The following KIAA0825 variants were observed in gnomAD, a reference collection of about 807,000 sequenced individuals.
KIAA0825 encodes KIAA0825.
In KIAA0825, 119 loss-of-function variants were observed where a neutral mutation model predicts 147.6. The observed-to-expected ratio is 0.81, with a 90% CI of 0.69 to 0.94. The LOEUF is 0.94. Among genes scored for constraint, KIAA0825 ranks in the 40% least tolerant of loss-of-function variants. The probability of loss-of-function intolerance (pLI) is 0.00; values close to 1 mark genes in which losing one functional copy is unlikely to be tolerated. For synonymous variants in KIAA0825, 470 were observed against 518.1 expected (o/e 0.91, Z 1.26); for missense variants, 1,381 against 1,472.7 (o/e 0.94, Z 1.02).
intron 20 of KIAA0825, among the ~76,000 whole-genome samples, chr5:94,298,180 G>T (rs1291224084): frequency 6.6e-6 from 1 of 151,826 alleles, no homozygotes; most frequent in Non-Finnish European, 1.5e-5. Flanking sequence ...CCCGGGAGAT[G>T]GAGGTTGCAG....
intron 2 of KIAA0825, among the ~76,000 whole-genome samples, chr5:94,559,982 T>C (rs2152287761): frequency 6.6e-6 from 1 of 152,298 alleles, no homozygotes. Flanking sequence ...CTTGTCTGGA[T>C]CTAGGAAAGA....
At chr5:94,160,215 C>T (rs1767421275) in intron 20 of KIAA0825, among the ~76,000 whole-genome samples, 1 of 151,996 alleles carries the variant, frequency 6.6e-6, no homozygotes, top group African/African-American at 2.4e-5. Context: ...CCCACATATC[C>T]AGTTGTTTTC....
At chr5:94,298,023 G>T (rs2150175856) in intron 20 of KIAA0825, among the ~76,000 whole-genome samples, 2 of 148,552 alleles carry the variant, frequency 1.3e-5, no homozygotes, top group South Asian at 2.3e-4. Context: ...AACGTGGACA[G>T]ATCATGAGGT....
intron 1 of KIAA0825, among the ~76,000 whole-genome samples, chr5:94,602,128 T>A (rs1786586458): frequency 6.6e-6 from 1 of 152,164 alleles, no homozygotes; most frequent in Non-Finnish European, 1.5e-5. Flanking sequence ...GGCAGGCGGA[T>A]CATGAGGTCA....
At chr5:94,190,198 C>T (rs76661024) in intron 20 of KIAA0825, among the ~76,000 whole-genome samples, 5,445 of 152,246 alleles carry the variant, frequency 0.036, 216 homozygotes, top group East Asian at 0.14. Context: ...GATTTTCTAC[C>T]TAGCCGATCA....
chr5:94,451,549 T>C (rs1009965960), intron 13 of KIAA0825, among the ~76,000 whole-genome samples: 1 of 152,178 alleles, frequency 6.6e-6, no homozygotes, highest in African/African-American at 2.4e-5. Context: ...AGGATAATAA[T>C]GGAGATTGAT....
chr5:94,373,948 A>T, intron 20 of KIAA0825, among the ~76,000 whole-genome samples: 1 of 152,192 alleles, frequency 6.6e-6, no homozygotes, highest in Non-Finnish European at 1.5e-5. Flanking sequence ...TACAGAAGTC[A>T]ATTCTCTCTT....
At position 94,453,056 on chromosome 5, in the gene KIAA0825, C is replaced by A. The variant is rs561651078; in HGVS notation, c.2260G>T (p.Gly754Cys). ...LTELYKTFQH[G>C]LDESASDSLK... Reference sequence around the variant, plus strand: ...GAATCTGAAGCAGACTCATCCAGGCCATGCTGAAAAGTCCTAGGGAAATAC... The same window carrying A: ...GAATCTGAAGCAGACTCATCCAGGCAATGCTGAAAAGTCCTAGGGAAATAC... The change falls in exon 13 of 21, where the codon GGC (glycine) becomes TGC (cysteine). Residue 754 changes from glycine to cysteine, a missense_variant. Gly to Cys is a radical substitution (Grantham distance 159). Transcript: ENST00000682413. The A allele has an allele frequency of 4.0e-6, 6 of 1,514,752 alleles. No individual in the cohort carries two copies. The Admixed American group carries it at 1.2e-4, about 29-fold the overall frequency. 93.8% of individuals were successfully genotyped at this position (1,514,752 alleles called of 1,614,324 possible).
At chr5:94,462,867 A>G (rs1233394911) in intron 11 of KIAA0825, among the ~76,000 whole-genome samples, 1 of 151,862 alleles carries the variant, frequency 6.6e-6, no homozygotes, top group East Asian at 1.9e-4. Flanking sequence ...AAGAAACTCA[A>G]GAGATCATCC....
At chr5:94,159,665 G>A (rs894671207) in intron 20 of KIAA0825, among the ~76,000 whole-genome samples, 1 of 152,182 alleles carries the variant, frequency 6.6e-6, no homozygotes, top group African/African-American at 2.4e-5. Context: ...TGAGGGAAAT[G>A]TTTCATGCTA....
rs534555783 is a variant in KIAA0825 at position 94,502,186 on chromosome 5, A to G, written c.971-17256T>C. 3.1e-4 allele frequency among the ~76,000 whole-genome samples: 47 copies of G among 152,284 alleles called. 1 individual carries two copies. In the South Asian group the frequency reaches 9.5e-3, roughly 31 times the overall value. Reference sequence around the variant, plus strand: ...TTCACATTATACACTTTAAATATGTATGTATACACATACATACATACATAC... The same window carrying G: ...TTCACATTATACACTTTAAATATGTGTGTATACACATACATACATACATAC... On this transcript the variant is annotated intron_variant, in intron 5 of 20. Transcript: ENST00000682413.
In KIAA0825 at chr5:94,471,593, G is replaced by C; in HGVS notation, c.1594C>G (p.Gln532Glu). Reference protein sequence around the residue: ...KVATAVLQRLQERAKEVPSKA... With the variant: ...KVATAVLQRLEERAKEVPSKA... ...GAAGGAACCTCCTTGGCTCTCTCTT[G>C]CAGTCTCTGCAGGACAGCTGTTGCC... is the stretch of plus-strand genomic sequence containing the variant. The change falls in exon 9 of 21, where the codon CAA becomes GAA. Residue 532 changes from glutamine to glutamate, a missense_variant. Physicochemically the swap from Gln to Glu is conservative, Grantham distance 29. Coordinates refer to ENST00000682413, the MANE Select transcript of KIAA0825 (RefSeq NM_001145678.3). 1 of 1,551,908 alleles carries C rather than the reference G, an allele frequency of 6.4e-7. No homozygotes were observed. The highest frequency in any genetic ancestry group is 8.7e-7 in the Non-Finnish European group (1 of 1,147,034).
intron 20 of KIAA0825, among the ~76,000 whole-genome samples, chr5:94,252,472 G>T (rs1004541464): frequency 1.6e-4 from 24 of 152,008 alleles, no homozygotes; most frequent in African/African-American, 5.5e-4. Flanking sequence ...TATATAGAGA[G>T]AGAGAGAGTG....
intron 20 of KIAA0825, among the ~76,000 whole-genome samples, chr5:94,229,307 G>C (rs558766922): frequency 6.6e-6 from 1 of 152,258 alleles, no homozygotes; most frequent in South Asian, 2.1e-4. Flanking sequence ...TGTTGCTTTT[G>C]AGGTGAGCAA....
In KIAA0825 at chr5:94,386,230, T is replaced by C; in HGVS notation, c.3619+12A>G. The C allele has an allele frequency of 1.3e-6, 2 of 1,530,714 alleles. No homozygotes were observed. Among genetic ancestry groups the C allele is most frequent in the Non-Finnish European group, 1.8e-6 (2 of 1,139,666 alleles). The allele number at this position is 1,530,714 out of a possible 1,614,324, so 94.8% of individuals were successfully genotyped here. ...CCACACATTTAAATTAAATTTACCA[T>C]TTAATTTCCACATACCTGATCTAGC... On this transcript the variant is annotated intron_variant, in intron 19 of 20. Coordinates refer to ENST00000682413, the MANE Select transcript of KIAA0825 (RefSeq NM_001145678.3).
intron 20 of KIAA0825, among the ~76,000 whole-genome samples, chr5:94,193,938 C>T (rs1770898523): frequency 6.6e-6 from 1 of 152,118 alleles, no homozygotes; most frequent in Non-Finnish European, 1.5e-5. Flanking sequence ...CTGCTGAAGC[C>T]AGAGCACCCA....
intron 2 of KIAA0825, among the ~76,000 whole-genome samples, chr5:94,565,345 C>CT (rs200278201): frequency 0.38 from 51,619 of 136,816 alleles, 9,902 homozygotes; most frequent in Non-Finnish European, 0.42. Flanking sequence ...ATTTTAATTC[C>CT]TTTTTTTTTT....
intron 20 of KIAA0825, among the ~76,000 whole-genome samples, chr5:94,346,707 C>T (rs1032533863): frequency 1.3e-5 from 2 of 152,160 alleles, no homozygotes; most frequent in African/African-American, 4.8e-5. Flanking sequence ...TCCTGCCTGG[C>T]ACCACAGGGA....
chr5:94,408,412 C>A (rs772011606), intron 15 of KIAA0825, among the ~76,000 whole-genome samples: 1 of 152,016 alleles, frequency 6.6e-6, no homozygotes, highest in African/African-American at 2.4e-5. Context: ...TGCAATGGTG[C>A]GATCTTGGCT....
Sources: allele counts gnomAD v4.1 joint callset (sites outside exome capture counted in the v4.1 genomes callset), GRCh38; gene constraint gnomAD v4.1.1; transcripts MANE v1.5; gene names NCBI Gene and HGNC (gene_info 2026-07-23, HGNC 2026-07-21).